HPN: variants seen among roughly 807,000 people sequenced by gnomAD.
The protein encoded by HPN is hepsin, also known as serine protease hepsin.
In HPN, 13 loss-of-function variants were observed where a neutral mutation model predicts 55.9. That is an observed-to-expected ratio of 0.23 (90% CI 0.15 to 0.37). HPN has a LOEUF of 0.37. HPN is among the 10% of genes least tolerant of loss of function. HPN has a pLI of 1.00. For synonymous variants in HPN, 225 were observed against 240.3 expected, an observed-to-expected ratio of 0.94 and a Z score of 0.59; for missense variants, 451 against 575.8, an observed-to-expected ratio of 0.78 and a Z score of 2.22.
intron 2 of HPN, among the ~76,000 whole-genome samples, chr19:35,045,469 G>A (rs576046797): frequency 5.3e-5 from 8 of 152,158 alleles, no homozygotes; most frequent in Non-Finnish European, 1.2e-4. Context: ...TGTTACGCGT[G>A]GGGGTCTTTG....
chr19:35,059,553 G>A (rs1183799729), intron 4 of HPN, 120 bp from the exon 5 acceptor site: 1 of 1,288,946 alleles, frequency 7.8e-7, no homozygotes, highest in East Asian at 2.5e-5. Context: ...CCTCCGATGG[G>A]CTGGGGTTCA....
chr19:35,042,929 G>A (rs1264411320), intron 2 of HPN, among the ~76,000 whole-genome samples: 1 of 152,162 alleles, frequency 6.6e-6, no homozygotes, highest in East Asian at 1.9e-4. Flanking sequence ...TCTGGTGCAA[G>A]TGACATTATT....
At chr19:35,042,999 T>G (rs574594074) in intron 2 of HPN, among the ~76,000 whole-genome samples, 10 of 152,298 alleles carry the variant, frequency 6.6e-5, no homozygotes, top group Admixed American at 2.6e-4. Context: ...TCTGTGAGGT[T>G]GCTGAGTGCA....
intron 9 of HPN, among the ~76,000 whole-genome samples, chr19:35,064,427 C>A (rs2064576223): frequency 6.6e-6 from 1 of 151,826 alleles, no homozygotes; most frequent in Non-Finnish European, 1.5e-5. Flanking sequence ...CGGCTCCCTG[C>A]AAACTCTGCC....
intron 9 of HPN, among the ~76,000 whole-genome samples, chr19:35,064,586 CCACTG>C (rs1352829690): frequency 6.6e-5 from 10 of 151,918 alleles, no homozygotes; most frequent in African/African-American, 2.4e-4. Flanking sequence ...CATGTTCCTG[CCACTG>C]CACTCTGGCC....
upstream of HPN, among the ~76,000 whole-genome samples, chr19:35,041,259 GC>G (rs936984822): frequency 1.3e-5 from 2 of 152,306 alleles, no homozygotes; most frequent in African/African-American, 4.8e-5. Context: ...AGGGGCCGGG[GC>G]AGGATGAGCA....
chr19:35,054,926 G>C (rs1434210021), intron 4 of HPN, among the ~76,000 whole-genome samples: 3 of 152,270 alleles, frequency 2.0e-5, no homozygotes, highest in African/African-American at 7.2e-5. Flanking sequence ...GGCCTCACCA[G>C]GTTCCTTCTA....
chr19:35,060,146 G>A lies in HPN; in HGVS notation c.431G>A (p.Arg144His), dbSNP rs143031727. The change falls in exon 7 of 13, where the codon CGT becomes CAT. Residue 144 changes from arginine to histidine, a missense_variant. Transcript: ENST00000672452. Reference protein sequence around the residue: ...VISVCDCPRGRFLAAICQDCG... With the variant: ...VISVCDCPRGHFLAAICQDCG... ...TCTCCCAGTGATTGCCCCAGAGGCC[G>A]TTTCTTGGCCGCCATCTGCCAAGGT... 254 of 1,614,010 alleles carry A rather than the reference G, an allele frequency of 1.6e-4. No individual in the cohort carries two copies. The highest frequency in any genetic ancestry group is 1.6e-4 in the South Asian group (15 of 91,088).
chr19:35,045,459 T>C (rs1600377525), intron 2 of HPN, among the ~76,000 whole-genome samples: 1 of 151,074 alleles, frequency 6.6e-6, no homozygotes, highest in South Asian at 2.1e-4. Context: ...GAGCCAAAGG[T>C]GTTACGCGTG....
intron 9 of HPN, among the ~76,000 whole-genome samples, chr19:35,062,199 G>A (rs546720031): frequency 6.6e-6 from 1 of 152,300 alleles, no homozygotes; most frequent in South Asian, 2.1e-4. Flanking sequence ...GTGGCAGGGT[G>A]GGAGGTGGGG....
At chr19:35,062,118 A>G (rs1483763605) in intron 9 of HPN, among the ~76,000 whole-genome samples, 2 of 152,120 alleles carry the variant, frequency 1.3e-5, no homozygotes, top group African/African-American at 4.8e-5. Flanking sequence ...AGAAAAGAAG[A>G]AAAGAAAAGG....
At chr19:35,052,663 A>G (rs16969934) in intron 4 of HPN, among the ~76,000 whole-genome samples, 4,926 of 152,190 alleles carry the variant, frequency 0.032, 283 homozygotes, top group African/African-American at 0.11. Context: ...CTGGACTTCC[A>G]GACTCTATGG....
At chr19:35,065,494 G>A (rs2064596110) in intron 10 of HPN, 45 bp from the exon 11 acceptor site, 1 of 1,605,752 alleles carries the variant, frequency 6.2e-7, no homozygotes, top group South Asian at 1.1e-5. Flanking sequence ...GAAGGGGGGT[G>A]TGTACACCCC....
At chr19:35,042,012 G>A (rs887100305) in intron 1 of HPN, 140 bp downstream of exon 1, 11 of 1,170,322 alleles carry the variant, frequency 9.4e-6, no homozygotes, top group Non-Finnish European at 1.2e-5. Flanking sequence ...GTCCCCCCAA[G>A]CACCTAGGTG....
intron 4 of HPN, among the ~76,000 whole-genome samples, chr19:35,050,115 GT>G (rs2064388330): frequency 6.6e-6 from 1 of 151,962 alleles, no homozygotes; most frequent in South Asian, 2.1e-4. Context: ...CTAGGAGGTA[GT>G]TTTTTTGTTT....
chr19:35,064,349 C>G (rs1600398479), intron 9 of HPN, among the ~76,000 whole-genome samples: 1 of 151,718 alleles, frequency 6.6e-6, no homozygotes, highest in South Asian at 2.1e-4. Flanking sequence ...TTTCTTCTCT[C>G]TCTCTCTTTC....
rs947097421 is a variant in HPN, at chr19:35,065,335, G to A, written c.897G>A (p.Thr299=). ...GTACCGTGACGGGCTGGGGCAACAC[G>A]CAGTACTATGGTGAGTCCTGTCCTC... The part of the protein sequence containing the change: ...KICTVTGWGN[T]QYYGQQAGVL... The change falls in exon 10 of 13, where the codon ACG becomes ACA. Residue 299 remains threonine, a synonymous_variant. Coordinates refer to ENST00000672452, the MANE Select transcript of HPN (RefSeq NM_001384133.1). 3.7e-6 allele frequency: 6 copies of A among 1,613,342 alleles called. No homozygotes were observed. Among genetic ancestry groups the A allele is most frequent in the Middle Eastern group, 1.6e-4 (1 of 6,082 alleles).
At chr19:35,062,178 G>C (rs1384004293) in intron 9 of HPN, among the ~76,000 whole-genome samples, 2 of 152,180 alleles carry the variant, frequency 1.3e-5, no homozygotes, top group African/African-American at 2.4e-5. Flanking sequence ...GAGATAGAAA[G>C]TTGATTGATG....
At chr19:35,048,995 G>A (rs1363842485) in intron 2 of HPN, among the ~76,000 whole-genome samples, 1 of 152,232 alleles carries the variant, frequency 6.6e-6, no homozygotes, top group Non-Finnish European at 1.5e-5. Flanking sequence ...GTGTCACTGG[G>A]GAGGAGACAT....
Sources: allele counts gnomAD v4.1 joint callset (sites outside exome capture counted in the v4.1 genomes callset), GRCh38; gene constraint gnomAD v4.1.1; transcripts MANE v1.5; gene names NCBI Gene and HGNC (gene_info 2026-07-23, HGNC 2026-07-21).